SLC38A9: variants seen among roughly 807,000 people sequenced by gnomAD.
SLC38A9 encodes solute carrier family 38 member 9.
SLC38A9 carries 48 observed loss-of-function variants against 62.3 expected under a neutral mutation model. The ratio of observed to expected loss-of-function variants is 0.77; its 90% CI spans 0.61 to 0.98. The LOEUF (loss-of-function observed/expected upper bound fraction) is 0.98. SLC38A9 is among the 50% of genes least tolerant of loss of function. SLC38A9 has a pLI of 0.00. For synonymous variants in SLC38A9, 204 were observed against 227.7 expected (o/e 0.90, Z 0.94); for missense variants, 541 against 679.8 (o/e 0.80, Z 2.27).
chr5:55,668,879 G>A (rs1750862865), intron 7 of SLC38A9, among the ~76,000 whole-genome samples: 1 of 152,146 alleles, frequency 6.6e-6, no homozygotes, highest in Non-Finnish European at 1.5e-5. Context: ...CTTTTGGTAT[G>A]AATAGGTCAA....
At chr5:55,676,908 C>T (rs1303412166) in intron 3 of SLC38A9, among the ~76,000 whole-genome samples, 1 of 151,900 alleles carries the variant, frequency 6.6e-6, no homozygotes, top group East Asian at 1.9e-4. Context: ...AGAAATGTTT[C>T]CATTGTTAGA....
intron 2 of SLC38A9, among the ~76,000 whole-genome samples, chr5:55,708,716 A>G (rs1327732058): frequency 2.0e-5 from 3 of 152,250 alleles, no homozygotes; most frequent in Admixed American, 6.5e-5. Flanking sequence ...TCAGTGTCCT[A>G]GGCTAGAGGT....
chr5:55,647,113 G>A (rs1017630715), intron 11 of SLC38A9, among the ~76,000 whole-genome samples: 6 of 152,116 alleles, frequency 3.9e-5, no homozygotes, highest in African/African-American at 1.2e-4. Flanking sequence ...AAAGACTGGT[G>A]AGGGGGTATC....
chr5:55,647,395 C>A (rs1746571722), intron 11 of SLC38A9, among the ~76,000 whole-genome samples: 1 of 152,096 alleles, frequency 6.6e-6, no homozygotes, highest in Admixed American at 6.6e-5. Context: ...TCTAGCCAAA[C>A]CCATCTCAGA....
chr5:55,626,796 A>G (rs1209798802), intron 15 of SLC38A9, 137 bp from the exon 16 acceptor site: 2 of 724,846 alleles, frequency 2.8e-6, no homozygotes, highest in Non-Finnish European at 2.1e-6. Context: ...TGTTGTTGAC[A>G]TAAAACATCT....
At chr5:55,679,910 T>C (rs1423869674) in intron 3 of SLC38A9, among the ~76,000 whole-genome samples, 2 of 152,230 alleles carry the variant, frequency 1.3e-5, no homozygotes, top group South Asian at 2.1e-4. Flanking sequence ...GCAAATTGTC[T>C]CAATCTACTT....
chr5:55,682,419 T>C (rs1753157813), intron 3 of SLC38A9, among the ~76,000 whole-genome samples: 1 of 152,074 alleles, frequency 6.6e-6, no homozygotes, highest in African/African-American at 2.4e-5. Context: ...CTCACAGGAG[T>C]ATGCCACAGG....
At chr5:55,679,317 G>C (rs1339794334) in intron 3 of SLC38A9, among the ~76,000 whole-genome samples, 3 of 151,904 alleles carry the variant, frequency 2.0e-5, no homozygotes, top group Non-Finnish European at 2.9e-5. Context: ...AAGATTATGA[G>C]TTCTCTGTTT....
chr5:55,694,164 C>T (rs1209278591), intron 3 of SLC38A9: 2 of 228,304 alleles, frequency 8.8e-6, no homozygotes, highest in Admixed American at 8.7e-5. Flanking sequence ...GCCATGATTG[C>T]ACCATCACAC....
At chr5:55,695,937 G>GGC in intron 3 of SLC38A9, 1 of 86,296 alleles carries the variant, frequency 1.2e-5, no homozygotes, top group Non-Finnish European at 2.9e-5. Context: ...CGGCTGGCCG[G>GGC]GCAGAGGGGC....
chr5:55,633,680 A>T, intron 14 of SLC38A9, 74 bp downstream of exon 14: 1 of 1,595,746 alleles, frequency 6.3e-7, no homozygotes, highest in East Asian at 2.2e-5. Context: ...AGGATCAGTC[A>T]CACTTTAAAC....
chr5:55,710,505 C>T (rs1258373784), intron 2 of SLC38A9, among the ~76,000 whole-genome samples: 1 of 152,108 alleles, frequency 6.6e-6, no homozygotes, highest in Non-Finnish European at 1.5e-5. Context: ...CACCGCAATC[C>T]GCCGAACCTT....
rs67490309 is a variant in SLC38A9, at chr5:55,705,439, CA to C, written c.-35+6012del. 8.3e-3 allele frequency among the ~76,000 whole-genome samples: 1,045 copies of C among 125,550 alleles called. 17 individuals carry two copies. Among genetic ancestry groups the C allele is most frequent in the African/African-American group, 0.028 (936 of 33,820 alleles). 82.4% of individuals were successfully genotyped at this position (125,550 alleles called of 152,430 possible). On this transcript the variant is annotated intron_variant, in intron 2 of 15. Coordinates refer to ENST00000396865, the MANE Select transcript of SLC38A9 (RefSeq NM_173514.4). ...GGAAATGGGTATTACCTTCATATTA[CA>C]AAAAAAAAAAAGAAAGAAAGAAAGA...
At chr5:55,686,328 G>GT (rs1203976341) in intron 3 of SLC38A9, among the ~76,000 whole-genome samples, 2 of 152,176 alleles carry the variant, frequency 1.3e-5, no homozygotes, top group East Asian at 3.8e-4. Flanking sequence ...TCTGACTGGT[G>GT]TGAGATGGTA....
In SLC38A9 at chr5:55,653,913, T is replaced by C. The variant is rs868863057; in HGVS notation, c.758-1190A>G. The stretch of plus-strand genomic sequence containing the variant: ...ACCTCGTGATCTGCCCGCCTTGGCC[T>C]CCCAAAGTGCTGGGATTATAGGCCT... On this transcript the variant is annotated intron_variant, in intron 9 of 15. Transcript: ENST00000396865. Among the ~76,000 whole-genome samples the C allele has an allele frequency of 2.5e-3, 380 of 152,308 alleles. 2 individuals carry two copies. The highest frequency in any genetic ancestry group is 8.5e-3 in the African/African-American group (353 of 41,568).
chr5:55,666,140 G>T (rs989686482), intron 7 of SLC38A9, among the ~76,000 whole-genome samples: 2 of 152,014 alleles, frequency 1.3e-5, no homozygotes, highest in African/African-American at 4.8e-5. Flanking sequence ...CTAAAAAATA[G>T]GTGATAAAGT....
At chr5:55,676,490 A>C (rs911536987) in intron 3 of SLC38A9, among the ~76,000 whole-genome samples, 1 of 152,186 alleles carries the variant, frequency 6.6e-6, no homozygotes, top group Non-Finnish European at 1.5e-5. Context: ...AAATTTCTTA[A>C]ATTGTACATA....
At chr5:55,651,245 C>CTTTTT (rs1561337614) in intron 10 of SLC38A9, among the ~76,000 whole-genome samples, 1 of 56,134 alleles carries the variant, frequency 1.8e-5, no homozygotes. Context: ...TTCCTTTTGC[C>CTTTTT]ATCTTTTTTT....
intron 2 of SLC38A9, among the ~76,000 whole-genome samples, chr5:55,701,297 T>C (rs541250873): frequency 4.6e-5 from 7 of 152,334 alleles, no homozygotes; most frequent in Non-Finnish European, 8.8e-5. Flanking sequence ...CTAGATGTAA[T>C]AGACAGCTCA....
Sources: allele counts gnomAD v4.1 joint callset (sites outside exome capture counted in the v4.1 genomes callset), GRCh38; gene constraint gnomAD v4.1.1; transcripts MANE v1.5; gene names NCBI Gene and HGNC (gene_info 2026-07-23, HGNC 2026-07-21).